The following SORCS2 variants were observed in gnomAD, a reference collection of about 807,000 sequenced individuals.
SORCS2 encodes VPS10 domain-containing receptor SorCS2.
Under a neutral mutation model 141.6 loss-of-function variants are expected in SORCS2, and 100 were observed. That is an observed-to-expected ratio of 0.71 (90% confidence interval 0.60 to 0.83). The LOEUF is 0.83. SORCS2 is among the 40% of genes least tolerant of loss of function. SORCS2 has a pLI of 0.00. For synonymous variants in SORCS2, 789 were observed against 676.9 expected (o/e 1.17, Z -2.57); for missense variants, 1,646 against 1,560.2 (o/e 1.05, Z -0.93).
chr4:7,268,653 GGTGACCACCTGT>G (rs1347458438), intron 1 of SORCS2, among the ~76,000 whole-genome samples: 1 of 152,206 alleles, frequency 6.6e-6, no homozygotes, highest in Non-Finnish European at 1.5e-5. Context: ...CACACGAGTG[GGTGACCACCTGT>G]GAGTGAAGGG....
chr4:7,646,817 G>A (rs1721112459), intron 4 of SORCS2, among the ~76,000 whole-genome samples: 1 of 152,186 alleles, frequency 6.6e-6, no homozygotes, highest in African/African-American at 2.4e-5. Flanking sequence ...GGGGTACGTT[G>A]TTACGGAAGC....
chr4:7,279,655 G>A (rs371309843), intron 1 of SORCS2, among the ~76,000 whole-genome samples: 5 of 152,188 alleles, frequency 3.3e-5, no homozygotes, highest in East Asian at 1.9e-4. Context: ...TCTGTAAAGC[G>A]GGAAGTACGA....
chr4:7,194,354 A>G, intron 1 of SORCS2, among the ~76,000 whole-genome samples: 1 of 152,152 alleles, frequency 6.6e-6, no homozygotes, highest in Middle Eastern at 3.2e-3. Context: ...TCCTCTGTCC[A>G]GCTTTGCTGG....
At chr4:7,550,616 C>A (rs945456482) in intron 3 of SORCS2, among the ~76,000 whole-genome samples, 1 of 152,240 alleles carries the variant, frequency 6.6e-6, no homozygotes, top group Non-Finnish European at 1.5e-5. Context: ...AGTAGCCACA[C>A]AGCTGCTGTT....
chr4:7,324,848 C>T (rs996557316), intron 1 of SORCS2, among the ~76,000 whole-genome samples: 1 of 152,190 alleles, frequency 6.6e-6, no homozygotes, highest in Non-Finnish European at 1.5e-5. Context: ...TCCTTTCAAA[C>T]CGAGGGCGGT....
chr4:7,347,785 A>G lies in SORCS2; in HGVS notation c.481-48503A>G, dbSNP rs182584541. On this transcript the variant is annotated intron_variant, in intron 1 of 26. Transcript: ENST00000507866. ...AGTTAGTACATTTTAAGGCAAATTA[A>G]CCTTGATAACATCTTTAATGTCATG... Among the ~76,000 whole-genome samples, 686 of 152,338 alleles carry G rather than the reference A, an allele frequency of 4.5e-3. 7 individuals are homozygous for G. Among genetic ancestry groups the G allele is most frequent in the African/African-American group, 0.016 (662 of 41,580 alleles).
chr4:7,448,922 C>CCCTT (rs1422997082), intron 2 of SORCS2, among the ~76,000 whole-genome samples: 1 of 214 alleles, frequency 4.7e-3, no homozygotes, highest in Non-Finnish European at 0.071. Flanking sequence ...CTGCCTCCCT[C>CCCTT]CCTCCCTCCC....
chr4:7,300,336 G>C (rs1717353321), intron 1 of SORCS2, among the ~76,000 whole-genome samples: 1 of 152,112 alleles, frequency 6.6e-6, no homozygotes, highest in South Asian at 2.1e-4. Context: ...GTACTTTTCT[G>C]GGAACCCAGC....
At chr4:7,605,453 A>T (rs948177298) in intron 3 of SORCS2, among the ~76,000 whole-genome samples, 2 of 152,188 alleles carry the variant, frequency 1.3e-5, no homozygotes, top group Non-Finnish European at 2.9e-5. Context: ...CCAGGGGTGC[A>T]GGGAGAGGAC....
chr4:7,209,175 G>A (rs994219071), intron 1 of SORCS2, among the ~76,000 whole-genome samples: 6 of 152,192 alleles, frequency 3.9e-5, no homozygotes, highest in Non-Finnish European at 4.4e-5. Flanking sequence ...GTCTTGCCCC[G>A]GTGCCGGACA....
At chr4:7,349,604 A>G (rs1316190751) in intron 1 of SORCS2, among the ~76,000 whole-genome samples, 1 of 152,178 alleles carries the variant, frequency 6.6e-6, no homozygotes, top group Non-Finnish European at 1.5e-5. Context: ...GTGCTCTGGC[A>G]TGTCCTTCGC....
At chr4:7,263,848 T>TCC (rs1714533316) in intron 1 of SORCS2, among the ~76,000 whole-genome samples, 3 of 152,200 alleles carry the variant, frequency 2.0e-5, no homozygotes, top group Non-Finnish European at 2.9e-5. Flanking sequence ...GGACACTGGT[T>TCC]CATCCACGGA....
intron 2 of SORCS2, among the ~76,000 whole-genome samples, chr4:7,464,969 A>G (rs987411696): frequency 2.0e-5 from 3 of 152,242 alleles, no homozygotes; most frequent in Non-Finnish European, 2.9e-5. Flanking sequence ...GCCTGAGGCC[A>G]CGTGGTGTCC....
chr4:7,465,938 C>G lies in SORCS2; in HGVS notation c.549-65592C>G, dbSNP rs529345011. 1.4e-4 allele frequency among the ~76,000 whole-genome samples: 21 copies of G among 152,160 alleles called. 1 individual carries two copies. Among genetic ancestry groups the G allele is most frequent in the Non-Finnish European group, 3.1e-4 (21 of 68,032 alleles). On this transcript the variant is annotated intron_variant, in intron 2 of 26. Transcript: ENST00000507866. Reference sequence around the variant, plus strand: ...ACAGAGGTGCAGACAGGCCAAGGATCCATGCAAGGCAGAAGGCCTGGGGCA... The same window carrying G: ...ACAGAGGTGCAGACAGGCCAAGGATGCATGCAAGGCAGAAGGCCTGGGGCA...
chr4:7,600,654 TATACACACACACACACACAC>T (rs1250819413), intron 3 of SORCS2, among the ~76,000 whole-genome samples: 98 of 92,752 alleles, frequency 1.1e-3, no homozygotes, highest in African/African-American at 4.8e-3. Flanking sequence ...TACATATATA[TATACACACACACACACACAC>T]ACACACACAC....
At position 7,449,670 on chromosome 4, in the gene SORCS2, C is replaced by T. The variant is rs145428438; in HGVS notation, c.548+53315C>T. Among the ~76,000 whole-genome samples the T allele has an allele frequency of 1.4e-3, 210 of 152,024 alleles. 1 individual carries two copies. Among genetic ancestry groups the T allele is most frequent in the African/African-American group, 4.6e-3 (191 of 41,498 alleles). On this transcript the variant is annotated intron_variant, in intron 2 of 26. Transcript: ENST00000507866. The stretch of plus-strand genomic sequence containing the variant: ...GGGCTTGGCTCTGTGCAAGGTCCTC[C>T]GGAGCCCCCACATCCTCCTCTTCCA...
chr4:7,477,065 A>G (rs1032074374), intron 2 of SORCS2, among the ~76,000 whole-genome samples: 8 of 152,212 alleles, frequency 5.3e-5, no homozygotes, highest in African/African-American at 1.9e-4. Context: ...AAGGCCTTGC[A>G]GCTGTCAGTG....
intron 1 of SORCS2, among the ~76,000 whole-genome samples, chr4:7,331,933 G>A (rs1312524101): frequency 2.0e-5 from 3 of 152,198 alleles, no homozygotes; most frequent in African/African-American, 7.2e-5. Flanking sequence ...TGGGGCTGGA[G>A]CCTGGGTCTG....
chr4:7,615,175 A>G (rs1057386517), intron 3 of SORCS2, among the ~76,000 whole-genome samples: 1 of 152,154 alleles, frequency 6.6e-6, no homozygotes, highest in Non-Finnish European at 1.5e-5. Flanking sequence ...TCATTCATCC[A>G]TCTGCCTTCC....
Sources: gnomAD v4.1 joint callset for allele counts (sites outside exome capture counted in the v4.1 genomes callset) on GRCh38, gnomAD v4.1.1 for gene constraint, MANE v1.5 for transcripts, NCBI Gene and HGNC (gene_info 2026-07-23, HGNC 2026-07-21) for gene names.